Variants in EXT1 observed in about 807,000 individuals in gnomAD.
EXT1 encodes the protein exostosin glycosyltransferase 1.
A neutral mutation model predicts 82.5 loss-of-function variants in EXT1; 20 were observed. The observed-to-expected ratio is 0.24, with a 90% confidence interval of 0.17 to 0.35. The LOEUF (loss-of-function observed/expected upper bound fraction) is 0.35. Among genes scored for constraint, EXT1 ranks in the 10% least tolerant of loss-of-function variants. The pLI is 1.00. For missense variants in EXT1, 757 were observed against 936.5 expected, an observed-to-expected ratio of 0.81 and a Z score of 2.50; for synonymous variants, 348 against 350.8, an observed-to-expected ratio of 0.99 and a Z score of 0.09.
At chr8:117,866,873 A>C (rs995068462) in intron 1 of EXT1, among the ~76,000 whole-genome samples, 2 of 151,976 alleles carry the variant, frequency 1.3e-5, no homozygotes, top group African/African-American at 4.8e-5. Context: ...CTTGGCCATA[A>C]GACCAACTCT....
chr8:117,799,671 C>A lies in EXT1; in HGVS notation c.*41G>T. 6.2e-7 allele frequency: 1 copy of A among 1,608,512 alleles called. No individual in the cohort carries two copies. Among genetic ancestry groups the A allele is most frequent in the Non-Finnish European group, 8.5e-7 (1 of 1,175,190 alleles). On this transcript the variant is annotated 3_prime_UTR_variant, in exon 11 of 11. Transcript: ENST00000378204. ...CTGGGAAGAGAGAGCAGCTTGACCC[C>A]CATCCCTTCTTGCTTCCCCTCCCCC... is the stretch of plus-strand genomic sequence containing the variant.
intron 1 of EXT1, among the ~76,000 whole-genome samples, chr8:117,869,862 G>T (rs1194103592): frequency 6.6e-6 from 1 of 151,996 alleles, no homozygotes; most frequent in Non-Finnish European, 1.5e-5. Context: ...GTAATGTTAG[G>T]TGAGTAGTAC....
chr8:117,837,229 A>ATG, intron 1 of EXT1, 28 bp from the exon 2 acceptor site: 2 of 1,567,648 alleles, frequency 1.3e-6, no homozygotes, highest in Non-Finnish European at 1.8e-6. Flanking sequence ...GTAAACAGCA[A>ATG]ATGAAGACTC....
At chr8:117,903,668 G>C (rs1813490929) in intron 1 of EXT1, among the ~76,000 whole-genome samples, 1 of 152,112 alleles carries the variant, frequency 6.6e-6, no homozygotes, top group Non-Finnish European at 1.5e-5. Context: ...CTTCAGTCTT[G>C]CTTGCCCAGA....
chr8:118,050,641 G>A (rs1380214466), intron 1 of EXT1, among the ~76,000 whole-genome samples: 1 of 152,174 alleles, frequency 6.6e-6, no homozygotes, highest in African/African-American at 2.4e-5. Flanking sequence ...ATTGAGTGTG[G>A]CTGTATTCCA....
intron 1 of EXT1, among the ~76,000 whole-genome samples, chr8:117,978,236 G>A (rs1475093429): frequency 1.3e-5 from 2 of 152,222 alleles, no homozygotes; most frequent in Admixed American, 1.3e-4. Context: ...AGTGAAATGT[G>A]AATGTCTGGC....
intron 1 of EXT1, among the ~76,000 whole-genome samples, chr8:117,957,764 G>A (rs1226132234): frequency 2.6e-5 from 4 of 152,182 alleles, no homozygotes; most frequent in Non-Finnish European, 5.9e-5. Context: ...GTTTGGGCTG[G>A]AAGGAGTAAA....
chr8:118,050,726 T>C (rs546678075), intron 1 of EXT1, among the ~76,000 whole-genome samples: 2 of 152,232 alleles, frequency 1.3e-5, no homozygotes, highest in Admixed American at 6.5e-5. Flanking sequence ...TATTCTTCTT[T>C]TGATTTTTTT....
intron 1 of EXT1, among the ~76,000 whole-genome samples, chr8:118,004,030 G>C (rs1254851461): frequency 6.6e-6 from 1 of 152,134 alleles, no homozygotes; most frequent in Non-Finnish European, 1.5e-5. Flanking sequence ...GAGATTCTGT[G>C]AAGCTTAAGC....
intron 1 of EXT1, among the ~76,000 whole-genome samples, chr8:117,965,511 T>G (rs1814790158): frequency 6.6e-6 from 1 of 151,966 alleles, no homozygotes; most frequent in East Asian, 1.9e-4. Context: ...CAGAAGTCTC[T>G]GATTAAATAG....
intron 1 of EXT1, among the ~76,000 whole-genome samples, chr8:118,036,802 TGCC>T (rs1186010265): frequency 6.6e-6 from 1 of 152,160 alleles, no homozygotes; most frequent in Non-Finnish European, 1.5e-5. Flanking sequence ...CACCATCTAC[TGCC>T]CTTTCTCCAT....
chr8:117,858,810 C>CAAGGCAGGAAGGAAGGAAGGAAGGAAGGA (rs1182184208), intron 1 of EXT1, among the ~76,000 whole-genome samples: 7 of 34,368 alleles, frequency 2.0e-4, no homozygotes, highest in Non-Finnish European at 3.2e-4. Context: ...CAAGGCAAGG[C>CAAGGCAGGAAGGAAGGAAGGAAGGAAGGA]AGGAAGGAAG....
At chr8:117,993,748 C>A (rs566402698) in intron 1 of EXT1, among the ~76,000 whole-genome samples, 6 of 152,294 alleles carry the variant, frequency 3.9e-5, no homozygotes, top group African/African-American at 1.2e-4. Flanking sequence ...CTGTAATTAA[C>A]CAGGCCTTCC....
At chr8:117,955,004 A>G (rs1814559795) in intron 1 of EXT1, among the ~76,000 whole-genome samples, 1 of 152,110 alleles carries the variant, frequency 6.6e-6, no homozygotes, top group Non-Finnish European at 1.5e-5. Context: ...AGGGGATCTC[A>G]TGACTCCCTC....
intron 1 of EXT1, among the ~76,000 whole-genome samples, chr8:117,986,594 G>A (rs1210506596): frequency 6.6e-6 from 1 of 152,096 alleles, no homozygotes; most frequent in Non-Finnish European, 1.5e-5. Context: ...TCTCCCAGTA[G>A]GTGTATTCAA....
intron 1 of EXT1, among the ~76,000 whole-genome samples, chr8:117,847,903 G>C (rs1384090420): frequency 1.3e-5 from 2 of 152,148 alleles, no homozygotes; most frequent in African/African-American, 4.8e-5. Context: ...AGAATCCAAT[G>C]ACAGTTTGTG....
intron 1 of EXT1, among the ~76,000 whole-genome samples, chr8:117,968,553 ATTTTTTTTTTTTT>A (rs1182180428): frequency 1.1e-4 from 1 of 9,306 alleles, no homozygotes; most frequent in East Asian, 2.0e-3. Context: ...TTATTTATTT[ATTTTTTTTTTTTT>A]TTTTTTTTTT....
chr8:117,811,224 G>A (rs1823313572), intron 8 of EXT1, among the ~76,000 whole-genome samples: 1 of 152,208 alleles, frequency 6.6e-6, no homozygotes, highest in African/African-American at 2.4e-5. Flanking sequence ...CTGGCATGGA[G>A]ACCAGGACAA....
chr8:117,866,959 T>C (rs1812783976), intron 1 of EXT1, among the ~76,000 whole-genome samples: 1 of 152,096 alleles, frequency 6.6e-6, no homozygotes, highest in South Asian at 2.1e-4. Context: ...CTCCTTCTTT[T>C]AAAAAAGAAA....
Sources: gnomAD v4.1 joint callset for allele counts (sites outside exome capture counted in the v4.1 genomes callset) on GRCh38, gnomAD v4.1.1 for gene constraint, MANE v1.5 for transcripts, NCBI Gene and HGNC (gene_info 2026-07-23, HGNC 2026-07-21) for gene names.